WTAP: variants seen among roughly 807,000 people sequenced by gnomAD.
WTAP encodes the protein pre-mRNA-splicing regulator WTAP.
WTAP carries 8 observed loss-of-function variants against 50.0 expected under a neutral mutation model. That is an observed-to-expected ratio of 0.16 (90% CI 0.09 to 0.29). The LOEUF (loss-of-function observed/expected upper bound fraction) is 0.29. Ranked by LOEUF, WTAP falls within the 10% of genes least tolerant of loss-of-function variation. The pLI is 1.00. For missense variants in WTAP, 295 were observed against 470.7 expected, an observed-to-expected ratio of 0.63 and a Z score of 3.45; for synonymous variants, 194 against 169.0, an observed-to-expected ratio of 1.15 and a Z score of -1.15.
At chr6:159,750,677 A>C (rs1055948045) in intron 6 of WTAP, among the ~76,000 whole-genome samples, 3 of 152,184 alleles carry the variant, frequency 2.0e-5, no homozygotes, top group African/African-American at 7.2e-5. Flanking sequence ...GTATCTAGAC[A>C]ACTACATTTT....
At chr6:159,726,722 G>A (rs369075056), upstream of WTAP, 4 of 1,257,618 alleles carry the variant, frequency 3.2e-6, no homozygotes, top group African/African-American at 3.1e-5. Flanking sequence ...CGCAACCTCC[G>A]ACGCCAGAGA....
rs1778266402 is a variant in WTAP, at chr6:159,727,565, C to T, written c.-147C>T. On this transcript the variant is annotated 5_prime_UTR_variant, in exon 1 of 8. Coordinates refer to ENST00000621533, the MANE Select transcript of WTAP (RefSeq NM_001270531.2). ...CAAATAAAGGGGAGCGCAGGGGTTG[C>T]GGCGGGACTAGGAGCGCGGCGGGGC... The T allele has an allele frequency of 3.0e-6, 3 of 988,244 alleles. No homozygotes were observed. Among genetic ancestry groups the T allele is most frequent in the Non-Finnish European group, 3.6e-6 (3 of 832,358 alleles). 61.2% of individuals were successfully genotyped at this position (988,244 alleles called of 1,614,324 possible). A position where few individuals can be genotyped will look rare whatever the true frequency, so the allele number is the denominator to read the frequency against.
rs1055471201 is a variant in WTAP at position 159,740,707 on chromosome 6, T to C, written c.87-1381T>C. On this transcript the variant is annotated intron_variant, in intron 3 of 7. Transcript: ENST00000621533. ...AGGTTTTTTTTTTTTCTTTTTTCTT[T>C]CTTTTTTTTTTTTTTAAGACAGAGT... 6.1e-4 allele frequency among the ~76,000 whole-genome samples: 92 copies of C among 151,048 alleles called. 2 individuals carry two copies. Among genetic ancestry groups the C allele is most frequent in the Admixed American group, 9.2e-4 (14 of 15,194 alleles).
rs1779984995 is a variant in WTAP, at chr6:159,755,760, C to CTT, written c.*152_*153dup. 57 of 286,754 alleles carry CTT rather than the reference C, an allele frequency of 2.0e-4. No homozygotes were observed. The highest frequency in any genetic ancestry group is 6.0e-4 in the African/African-American group (12 of 20,034). The allele number at this position is 286,754 out of a possible 1,614,324, so 17.8% of individuals were successfully genotyped here. On this transcript the variant is annotated 3_prime_UTR_variant, in exon 8 of 8. Transcript: ENST00000621533. ...TGTTTTTTTTCTTTGTTTTTTTTTT[C>CTT]TTTTCTTTTTTTTTTTTTTTTTTTT...
chr6:159,732,669 C>G (rs1187889557), intron 1 of WTAP, among the ~76,000 whole-genome samples: 1 of 151,930 alleles, frequency 6.6e-6, no homozygotes, highest in African/African-American at 2.4e-5. Flanking sequence ...ACTAAAAATA[C>G]AAAAATTAGC....
Position 159,728,096 on chromosome 6 carries a change from A to G in WTAP, c.-9+393A>G, listed in dbSNP as rs771078734. Among the ~76,000 whole-genome samples, 27 of 152,252 alleles carry G rather than the reference A, an allele frequency of 1.8e-4. 1 individual carries two copies. Among genetic ancestry groups the G allele is most frequent in the Non-Finnish European group, 3.1e-4 (21 of 68,038 alleles). On this transcript the variant is annotated intron_variant, in intron 1 of 7. Transcript: ENST00000621533. ...GCGGCACTAACGAGTTCAGCAAGGA[A>G]AAAAAGAAACATTCGTTCCCTACAT...
chr6:159,749,374 G>T (rs1779740026), intron 6 of WTAP: 13 of 985,096 alleles, frequency 1.3e-5, no homozygotes, highest in Non-Finnish European at 1.6e-5. Flanking sequence ...TTGTATTTGG[G>T]CCTTTTGTAT....
intron 4 of WTAP, among the ~76,000 whole-genome samples, chr6:159,742,643 A>G (rs563068619): frequency 6.6e-6 from 1 of 152,276 alleles, no homozygotes; most frequent in South Asian, 2.1e-4. Flanking sequence ...TACTGTTTGA[A>G]TCACATACTA....
At chr6:159,727,197 CG>C, upstream of WTAP, 1 of 1,234,324 alleles carries the variant, frequency 8.1e-7, no homozygotes, top group Non-Finnish European at 1.0e-6. Flanking sequence ...GGAGTGTTAC[CG>C]GGGAGCAGCT....
chr6:159,732,886 A>ATAGTGTGTGTGTGTGTGTGTGTGTGTGT (rs146623701), intron 1 of WTAP, among the ~76,000 whole-genome samples: 1 of 146,380 alleles, frequency 6.8e-6, no homozygotes, highest in African/African-American at 2.6e-5. Context: ...ATATATATAT[A>ATAGTGTGTGTGTGTGTGTGTGTGTGTGT]GTGTGTGTGT....
At chr6:159,753,370 T>C (rs1236843575) in intron 6 of WTAP, 90 bp from the exon 7 acceptor site, 1 of 1,550,746 alleles carries the variant, frequency 6.4e-7, no homozygotes, top group East Asian at 2.3e-5. Flanking sequence ...TAGTTATGTT[T>C]GTATGTGTTA....
rs1175481318 is a variant in WTAP at position 159,748,609 on chromosome 6, T to A, written c.452+240T>A. 1.1e-4 allele frequency: 147 copies of A among 1,308,014 alleles called. No individual in the cohort carries two copies. The highest frequency in any genetic ancestry group is 1.4e-4 in the Non-Finnish European group (140 of 1,030,534). 81.0% of individuals were successfully genotyped at this position (1,308,014 alleles called of 1,614,324 possible). A position where few individuals can be genotyped will look rare whatever the true frequency, so the allele number is the denominator to read the frequency against. On this transcript the variant is annotated intron_variant, in intron 6 of 7. Transcript: ENST00000621533. This position sits in a 1 kb window ranked among gnomAD's most constrained non-coding sequence, Gnocchi z 5.6. ...CTTCAGAGGCCTGATGGCGTCGGAC[T>A]ATTCCGAAGAAGTGGCCACCTCCGA...
At chr6:159,739,094 T>C (rs1779090549) in intron 3 of WTAP, 49 bp downstream of exon 3, 1 of 1,417,166 alleles carries the variant, frequency 7.1e-7, no homozygotes, top group South Asian at 1.2e-5. Context: ...GAACATTATA[T>C]TGTGACTCTA....
chr6:159,744,307 A>C (rs1050295084), intron 5 of WTAP, among the ~76,000 whole-genome samples: 1 of 152,176 alleles, frequency 6.6e-6, no homozygotes, highest in African/African-American at 2.4e-5. Context: ...ATAATTGATC[A>C]TCCAGCTCTG....
chr6:159,751,166 A>G (rs1779805998), intron 6 of WTAP, among the ~76,000 whole-genome samples: 1 of 152,232 alleles, frequency 6.6e-6, no homozygotes, highest in Non-Finnish European at 1.5e-5. Context: ...TTTTTTCAAA[A>G]CTGTGATTTT....
intron 4 of WTAP, among the ~76,000 whole-genome samples, chr6:159,742,728 C>T (rs1048698592): frequency 6.6e-6 from 1 of 152,068 alleles, no homozygotes; most frequent in African/African-American, 2.4e-5. Context: ...TCTAATTTTG[C>T]GTGACTGTGT....
chr6:159,745,795 T>A (rs565938322), intron 5 of WTAP, among the ~76,000 whole-genome samples: 1 of 152,298 alleles, frequency 6.6e-6, no homozygotes, highest in East Asian at 1.9e-4. Flanking sequence ...AAACCAATTG[T>A]GAGGCTGTTA....
chr6:159,755,717 G>GT lies in WTAP; in HGVS notation c.*110dup. 1.0e-6 allele frequency: 1 copy of GT among 980,996 alleles called. No individual in the cohort carries two copies. The highest frequency in any genetic ancestry group is 1.2e-6 in the Non-Finnish European group (1 of 838,324). The allele number at this position is 980,996 out of a possible 1,614,324, so 60.8% of individuals were successfully genotyped here. On this transcript the variant is annotated 3_prime_UTR_variant, in exon 8 of 8. Transcript: ENST00000621533. The stretch of plus-strand genomic sequence containing the variant: ...ACAATTTGCCTTTTTGTGGGTGTAC[G>GT]TTTTGGTTTTTTTTTGTTGTTTTTT...
chr6:159,734,882 A>G (rs1280074846), intron 1 of WTAP, among the ~76,000 whole-genome samples: 1 of 151,860 alleles, frequency 6.6e-6, no homozygotes, highest in Non-Finnish European at 1.5e-5. Context: ...TGTGGTGTTT[A>G]TGTTTATTAC....
Sources: gnomAD v4.1 joint callset for allele counts (sites outside exome capture counted in the v4.1 genomes callset) on GRCh38, gnomAD v4.1.1 for gene constraint, Gnocchi (gnomAD v3.1) non-coding constraint, MANE v1.5 for transcripts, NCBI Gene and HGNC (gene_info 2026-07-23, HGNC 2026-07-21) for gene names.